Variants in CRIM1 observed in about 807,000 individuals in gnomAD.
CRIM1 encodes cysteine rich transmembrane BMP regulator 1.
Under a neutral mutation model 116.4 loss-of-function variants are expected in CRIM1, and 32 were observed. The ratio of observed to expected loss-of-function variants is 0.27; its 90% CI spans 0.21 to 0.37. The LOEUF is 0.37. Ranked by LOEUF, CRIM1 falls within the 10% of genes least tolerant of loss-of-function variation. CRIM1 has a pLI of 1.00. For synonymous variants in CRIM1, 590 were observed against 509.2 expected, an observed-to-expected ratio of 1.16 and a Z score of -2.13; for missense variants, 1,331 against 1,354.8, an observed-to-expected ratio of 0.98 and a Z score of 0.28.
chr2:36,374,778 A>G (rs1333680258), intron 1 of CRIM1, among the ~76,000 whole-genome samples: 1 of 152,054 alleles, frequency 6.6e-6, no homozygotes. Context: ...TGATTGTGTC[A>G]TCTCTTCTTA....
At chr2:36,378,568 GT>G (rs1490464462) in intron 1 of CRIM1, 4 of 350,372 alleles carry the variant, frequency 1.1e-5, no homozygotes, top group Non-Finnish European at 2.3e-5. Context: ...TAATTTGAAA[GT>G]TTATGCTGAT....
intron 1 of CRIM1, among the ~76,000 whole-genome samples, chr2:36,371,584 C>G (rs1204837376): frequency 1.3e-5 from 2 of 152,230 alleles, no homozygotes; most frequent in East Asian, 3.8e-4. Flanking sequence ...GAAGCTCAAA[C>G]TGGTTAACTT....
chr2:36,375,441 G>T (rs747112294), intron 1 of CRIM1, among the ~76,000 whole-genome samples: 2 of 152,060 alleles, frequency 1.3e-5, no homozygotes, highest in Non-Finnish European at 2.9e-5. Flanking sequence ...ATACAAATCC[G>T]CAAAGCAAAT....
chr2:36,484,836 A>T (rs1679697326), intron 7 of CRIM1, among the ~76,000 whole-genome samples: 1 of 152,178 alleles, frequency 6.6e-6, no homozygotes, highest in Non-Finnish European at 1.5e-5. Flanking sequence ...TCAGAATTAT[A>T]CTCAGGTTGC....
chr2:36,529,072 C>G (rs1665944578), intron 13 of CRIM1: 3 of 470,668 alleles, frequency 6.4e-6, no homozygotes, highest in Non-Finnish European at 1.3e-5. Flanking sequence ...TTAAAGAGCT[C>G]TGCTGCACGG....
intron 13 of CRIM1, among the ~76,000 whole-genome samples, chr2:36,530,353 C>A (rs969026702): frequency 1.3e-5 from 2 of 152,136 alleles, no homozygotes; most frequent in African/African-American, 2.4e-5. Flanking sequence ...TGCATCATTA[C>A]AATTTCCATG....
intron 12 of CRIM1, among the ~76,000 whole-genome samples, chr2:36,520,600 C>T (rs1488651851): frequency 2.6e-5 from 4 of 152,192 alleles, no homozygotes; most frequent in Non-Finnish European, 5.9e-5. Context: ...AATGGCTGTT[C>T]TTCAACTTAT....
chr2:36,432,821 C>T (rs1481081842), intron 2 of CRIM1, among the ~76,000 whole-genome samples: 1 of 152,038 alleles, frequency 6.6e-6, no homozygotes, highest in East Asian at 1.9e-4. Flanking sequence ...ACCAGGGTAC[C>T]ACTTCCAGTA....
chr2:36,512,107 A>G (rs1664727251), intron 9 of CRIM1, among the ~76,000 whole-genome samples, 166 bp from the exon 10 acceptor site: 2 of 152,220 alleles, frequency 1.3e-5, no homozygotes, highest in South Asian at 4.1e-4. Context: ...AGTGGTGGTA[A>G]TGGCCACAGG....
chr2:36,431,667 C>G (rs1323457640), intron 2 of CRIM1, among the ~76,000 whole-genome samples: 1 of 152,164 alleles, frequency 6.6e-6, no homozygotes, highest in Non-Finnish European at 1.5e-5. Context: ...TGACTGGCTG[C>G]TCCTTTAATT....
intron 7 of CRIM1, among the ~76,000 whole-genome samples, chr2:36,484,871 G>T (rs895163423): frequency 6.6e-6 from 1 of 152,194 alleles, no homozygotes; most frequent in Non-Finnish European, 1.5e-5. Context: ...CGTGCTAGCG[G>T]TTGGGCAAAT....
At chr2:36,460,675 T>G (rs1677512717) in intron 4 of CRIM1, among the ~76,000 whole-genome samples, 1 of 152,226 alleles carries the variant, frequency 6.6e-6, no homozygotes, top group Admixed American at 6.5e-5. Flanking sequence ...CACTTTCTTT[T>G]GTGTTTTTGT....
In CRIM1 at chr2:36,403,655, A is replaced by G. The variant is rs910484932; in HGVS notation, c.505+6868A>G. 1.4e-4 allele frequency among the ~76,000 whole-genome samples: 22 copies of G among 152,282 alleles called. 1 individual carries two copies. Among genetic ancestry groups the G allele is most frequent in the Admixed American group, 8.5e-4 (13 of 15,292 alleles). On this transcript the variant is annotated intron_variant, in intron 2 of 16. Transcript: ENST00000280527. The stretch of plus-strand genomic sequence containing the variant: ...GCTGATTGACTTTCGGGGATGAAGA[A>G]AGGGAAGACTTCCAGATTGTGGGAG...
At chr2:36,462,207 T>TA (rs891303409) in intron 4 of CRIM1, among the ~76,000 whole-genome samples, 41 of 149,590 alleles carry the variant, frequency 2.7e-4, no homozygotes, top group Admixed American at 1.1e-3. Context: ...TAAGGGACTT[T>TA]AAAAAAAAAA....
At chr2:36,367,518 A>G (rs547208016) in intron 1 of CRIM1, among the ~76,000 whole-genome samples, 40 of 152,358 alleles carry the variant, frequency 2.6e-4, no homozygotes, top group Admixed American at 2.6e-3. Flanking sequence ...GGAATTAAAT[A>G]GTTACCTACC....
chr2:36,466,448 A>G (rs1678033668), intron 5 of CRIM1, among the ~76,000 whole-genome samples: 1 of 152,170 alleles, frequency 6.6e-6, no homozygotes, highest in Non-Finnish European at 1.5e-5. Context: ...TGGAGGTGCT[A>G]CAGTTTGATT....
intron 11 of CRIM1, among the ~76,000 whole-genome samples, chr2:36,515,197 G>A (rs1014654846): frequency 5.3e-5 from 8 of 152,194 alleles, no homozygotes; most frequent in Admixed American, 6.5e-5. Flanking sequence ...TGCTAAACAT[G>A]TCCTCAATGA....
At chr2:36,383,110 T>A (rs1670908296) in intron 1 of CRIM1, among the ~76,000 whole-genome samples, 1 of 152,238 alleles carries the variant, frequency 6.6e-6, no homozygotes, top group Non-Finnish European at 1.5e-5. Context: ...GACAGAATTA[T>A]GATCTTGAAA....
chr2:36,513,554 A>G lies in CRIM1; in HGVS notation c.1781-2A>G. The G allele has an allele frequency of 6.2e-7, 1 of 1,613,836 alleles. No individual in the cohort carries two copies. The highest frequency in any genetic ancestry group is 8.5e-7 in the Non-Finnish European group (1 of 1,179,776). The stretch of plus-strand genomic sequence containing the variant: ...TTACCAGGCTGCCTTTTGTCTGTCC[A>G]GAGGCCTCTGCTTCAGCTGGGCCAC... On this transcript the variant is annotated splice_acceptor_variant, in intron 10 of 16. Coordinates refer to ENST00000280527, the MANE Select transcript of CRIM1 (RefSeq NM_016441.3). LOFTEE classifies it high-confidence loss of function.
Sources: allele counts gnomAD v4.1 joint callset (sites outside exome capture counted in the v4.1 genomes callset), GRCh38; gene constraint gnomAD v4.1.1; transcripts MANE v1.5; gene names NCBI Gene and HGNC (gene_info 2026-07-23, HGNC 2026-07-21).